The following RABGEF1 variants were observed in gnomAD, a reference collection of about 807,000 sequenced individuals.
RABGEF1 encodes the protein RAB guanine nucleotide exchange factor 1.
Under a neutral mutation model 57.3 loss-of-function variants are expected in RABGEF1, and 26 were observed. The ratio of observed to expected loss-of-function variants is 0.45; its 90% confidence interval spans 0.33 to 0.63. The LOEUF is 0.63. Among genes scored for constraint, RABGEF1 ranks in the 20% least tolerant of loss-of-function variants. The probability of loss-of-function intolerance (pLI) is 0.02; values close to 1 mark genes in which losing one functional copy is unlikely to be tolerated. For synonymous variants in RABGEF1, 185 were observed against 210.7 expected (o/e 0.88, Z 1.06); for missense variants, 464 against 607.6 (o/e 0.76, Z 2.48).
chr7:66,678,437 C>T (rs1318129555), upstream of RABGEF1, among the ~76,000 whole-genome samples: 8 of 151,304 alleles, frequency 5.3e-5, no homozygotes, highest in African/African-American at 1.5e-4. Context: ...TGGTGGCAGG[C>T]GCCTGTAGTC....
chr7:66,784,633 G>A (rs1280093911), intron 4 of RABGEF1, among the ~76,000 whole-genome samples: 2 of 152,236 alleles, frequency 1.3e-5, no homozygotes, highest in Admixed American at 6.5e-5. Flanking sequence ...GTGTTTAACT[G>A]TTTAGCTATA....
At chr7:66,737,919 A>G (rs1798196844), upstream of RABGEF1, among the ~76,000 whole-genome samples, 1 of 152,136 alleles carries the variant, frequency 6.6e-6, no homozygotes, top group African/African-American at 2.4e-5. Flanking sequence ...ATATTTGCAT[A>G]GCAGCACAGC....
At chr7:66,739,373 G>A (rs1234915062), upstream of RABGEF1, among the ~76,000 whole-genome samples, 1 of 151,564 alleles carries the variant, frequency 6.6e-6, no homozygotes, top group Admixed American at 6.6e-5. Flanking sequence ...GAGAAACTCG[G>A]GCCGGGCGCA....
chr7:66,680,975 C>G (rs1027989750), upstream of RABGEF1, among the ~76,000 whole-genome samples: 13 of 152,072 alleles, frequency 8.5e-5, no homozygotes, highest in South Asian at 1.0e-3. Context: ...TCCGGCTACT[C>G]GAGAGGCTGA....
At chr7:66,702,347 TTGTGTGTGTGTGTG>T (rs58655312) in intron 1 of RABGEF1, among the ~76,000 whole-genome samples, 87 of 143,980 alleles carry the variant, frequency 6.0e-4, no homozygotes, top group East Asian at 4.7e-3. Flanking sequence ...ATTGTTTTGT[TTGTGTGTGTGTGTG>T]TGTGTGTGTG....
At position 66,683,900 on chromosome 7, in the gene RABGEF1, C is replaced by T. The variant is rs543583966; in HGVS notation, c.-873+1642C>T. Among the ~76,000 whole-genome samples the T allele has an allele frequency of 2.0e-5, 3 of 152,156 alleles. No individual in the cohort carries two copies. The East Asian group carries it at 5.8e-4, about 29-fold the overall frequency. On this transcript the variant is annotated intron_variant and NMD_transcript_variant, in intron 1 of 9. Coordinates refer to the RABGEF1 transcript ENST00000607882. ...AGACTGCAAATGGGTGCCGCCACAC[C>T]CAGCTGATTTTTAAAGATTTTGTAA...
intron 1 of RABGEF1, among the ~76,000 whole-genome samples, chr7:66,691,417 C>T (rs909741522): frequency 2.6e-5 from 4 of 152,004 alleles, no homozygotes; most frequent in African/African-American, 9.7e-5. Context: ...ATGGTATATC[C>T]ATATAGTGGG....
chr7:66,804,384 C>T (rs900397513), intron 7 of RABGEF1, among the ~76,000 whole-genome samples: 5 of 152,330 alleles, frequency 3.3e-5, no homozygotes, highest in African/African-American at 9.6e-5. Flanking sequence ...AAAGACTCTT[C>T]ATCAGACAAC....
chr7:66,741,978 T>TAA (rs5884601), intron 1 of RABGEF1, among the ~76,000 whole-genome samples: 1,850 of 144,572 alleles, frequency 0.013, 19 homozygotes, highest in East Asian at 0.064. Flanking sequence ...CTACTACAAA[T>TAA]AAAAAAAAAA....
upstream of RABGEF1, among the ~76,000 whole-genome samples, chr7:66,678,708 T>A (rs555717253): frequency 6.6e-6 from 1 of 152,240 alleles, no homozygotes; most frequent in East Asian, 1.9e-4. Flanking sequence ...GGTCTCACCA[T>A]GTTGCCCGGG....
chr7:66,764,433 T>C (rs1805192909), intron 1 of RABGEF1, among the ~76,000 whole-genome samples: 2 of 152,206 alleles, frequency 1.3e-5, no homozygotes, highest in South Asian at 2.1e-4. Flanking sequence ...TTTGATAAGG[T>C]CCTCTGAAGC....
chr7:66,760,888 CA>C (rs1246661426), intron 1 of RABGEF1, among the ~76,000 whole-genome samples: 9 of 152,196 alleles, frequency 5.9e-5, no homozygotes, highest in African/African-American at 1.9e-4. Flanking sequence ...CTTCGCCTCC[CA>C]AAGTGCTGGG....
chr7:66,682,078 C>T (rs1789805535), upstream of RABGEF1: 1 of 167,640 alleles, frequency 6.0e-6, no homozygotes. Context: ...GATGTTTGCG[C>T]GCCGTGCGTT....
chr7:66,658,770 C>T, the RABGEF1 span, among the ~76,000 whole-genome samples: 5 of 152,110 alleles, frequency 3.3e-5, no homozygotes, highest in African/African-American at 1.2e-4. Context: ...GAGTCTCGCT[C>T]TGTCGCCCAC....
chr7:66,687,113 C>CTTTTTTT (rs71526570), intron 1 of RABGEF1, among the ~76,000 whole-genome samples: 4 of 103,658 alleles, frequency 3.9e-5, no homozygotes, highest in African/African-American at 7.2e-5. Flanking sequence ...CCACGCCCGG[C>CTTTTTTT]TTTTTTTTTT....
At chr7:66,683,457 C>G (rs568370260) in intron 1 of RABGEF1, among the ~76,000 whole-genome samples, 1 of 152,314 alleles carries the variant, frequency 6.6e-6, no homozygotes, top group African/African-American at 2.4e-5. Context: ...CCTTTCCAAT[C>G]AGTCAGTTTC....
the RABGEF1 span, among the ~76,000 whole-genome samples, chr7:66,660,110 G>A: frequency 2.6e-5 from 4 of 152,094 alleles, no homozygotes; most frequent in East Asian, 1.9e-4. Context: ...CACTTTGGGA[G>A]GCCAAGGCCG....
chr7:66,723,465 C>G (rs1340203631), intron 2 of RABGEF1, among the ~76,000 whole-genome samples: 1 of 152,244 alleles, frequency 6.6e-6, no homozygotes, highest in Non-Finnish European at 1.5e-5. Context: ...ACCATACTTT[C>G]ATTTCAATCT....
chr7:66,764,405 C>G (rs1805188460), intron 1 of RABGEF1, among the ~76,000 whole-genome samples: 1 of 152,072 alleles, frequency 6.6e-6, no homozygotes, highest in Non-Finnish European at 1.5e-5. Context: ...TTCTCTTATT[C>G]TGTGGGTTCT....
Sources: allele counts gnomAD v4.1 joint callset (sites outside exome capture counted in the v4.1 genomes callset), GRCh38; gene constraint gnomAD v4.1.1; transcripts MANE v1.5; gene names NCBI Gene and HGNC (gene_info 2026-07-23, HGNC 2026-07-21).